TENM3: variants seen among roughly 807,000 people sequenced by gnomAD.
TENM3 encodes the protein teneurin-3.
A neutral mutation model predicts 255.1 loss-of-function variants in TENM3; 63 were observed. The observed-to-expected ratio is 0.25, with a 90% confidence interval of 0.20 to 0.30. The LOEUF (loss-of-function observed/expected upper bound fraction) is 0.30, where lower values mean the gene tolerates loss of function less well. TENM3 is among the 10% of genes least tolerant of loss of function. The probability of loss-of-function intolerance (pLI) is 1.00; values close to 1 mark genes in which losing one functional copy is unlikely to be tolerated. For synonymous variants in TENM3, 1,306 were observed against 1,322.3 expected (o/e 0.99, Z 0.27); for missense variants, 2,929 against 3,461.1 (o/e 0.85, Z 3.86).
the TENM3 span, among the ~76,000 whole-genome samples, chr4:181,653,700 CTT>C: frequency 6.4e-4 from 88 of 137,204 alleles, no homozygotes; most frequent in Middle Eastern, 3.9e-3. Flanking sequence ...ATAAGACCAG[CTT>C]TTTTTTTTTT....
the TENM3 span, among the ~76,000 whole-genome samples, chr4:182,112,478 A>C: frequency 6.6e-6 from 1 of 152,354 alleles, no homozygotes; most frequent in Non-Finnish European, 1.5e-5. Context: ...AGTTAACACT[A>C]GTTTATAAGA....
At chr4:181,957,427 A>T in the TENM3 span, among the ~76,000 whole-genome samples, 1 of 152,200 alleles carries the variant, frequency 6.6e-6, no homozygotes, top group South Asian at 2.1e-4. Flanking sequence ...TGAAACGTGC[A>T]ATCTATTTTC....
chr4:181,638,238 A>C, the TENM3 span, among the ~76,000 whole-genome samples: 1 of 152,248 alleles, frequency 6.6e-6, no homozygotes, highest in Non-Finnish European at 1.5e-5. Flanking sequence ...AGAGACACAC[A>C]GAAAATGTTG....
chr4:182,419,964 A>G (rs1770696026), intron 3 of TENM3, among the ~76,000 whole-genome samples: 1 of 152,116 alleles, frequency 6.6e-6, no homozygotes, highest in Non-Finnish European at 1.5e-5. Flanking sequence ...ACATGTATAC[A>G]TATGTAACAA....
At chr4:181,916,253 A>G in the TENM3 span, among the ~76,000 whole-genome samples, 43 of 152,292 alleles carry the variant, frequency 2.8e-4, no homozygotes, top group African/African-American at 1.0e-3. Context: ...TCTAGTTATA[A>G]CTTCAAGGCA....
At chr4:182,185,723 G>C (rs1753109982) in intron 1 of TENM3, among the ~76,000 whole-genome samples, 2 of 152,194 alleles carry the variant, frequency 1.3e-5, no homozygotes, top group Non-Finnish European at 2.9e-5. Context: ...GATGCCAGCT[G>C]ACTTTAAGGC....
the TENM3 span, among the ~76,000 whole-genome samples, chr4:181,551,840 G>A: frequency 0.15 from 140 of 926 alleles, no homozygotes; most frequent in African/African-American, 0.19. Context: ...ATATGTATAT[G>A]TGTGTGTGTG....
At chr4:181,818,304 G>T in the TENM3 span, among the ~76,000 whole-genome samples, 1 of 152,118 alleles carries the variant, frequency 6.6e-6, no homozygotes, top group East Asian at 1.9e-4. Flanking sequence ...TTGATAATCT[G>T]AGTGGGCCTG....
chr4:181,612,842 AC>A, the TENM3 span, among the ~76,000 whole-genome samples: 1 of 152,144 alleles, frequency 6.6e-6, no homozygotes, highest in Non-Finnish European at 1.5e-5. Context: ...GATGAGAAAA[AC>A]ATTACCTATT....
the TENM3 span, among the ~76,000 whole-genome samples, chr4:181,453,541 A>C: frequency 6.8e-6 from 1 of 147,756 alleles, no homozygotes; most frequent in African/African-American, 2.4e-5. Flanking sequence ...CTTAACGAAG[A>C]GTCATGTAAA....
chr4:181,921,215 G>A, the TENM3 span, among the ~76,000 whole-genome samples: 17 of 152,170 alleles, frequency 1.1e-4, no homozygotes, highest in East Asian at 1.9e-4. Context: ...TTGGCAGTGC[G>A]GCCTCTTTTT....
chr4:181,911,511 G>A, the TENM3 span, among the ~76,000 whole-genome samples: 1 of 152,188 alleles, frequency 6.6e-6, no homozygotes, highest in African/African-American at 2.4e-5. Context: ...TGTGTTTGAA[G>A]GCTATAAAAG....
the TENM3 span, among the ~76,000 whole-genome samples, chr4:181,820,603 A>G: frequency 6.6e-5 from 10 of 152,158 alleles, no homozygotes; most frequent in Admixed American, 3.3e-4. Flanking sequence ...TCACAAAAGC[A>G]TAGGTTAAAT....
intron 1 of TENM3, among the ~76,000 whole-genome samples, chr4:182,174,527 C>CACACACAA (rs146198406): frequency 0.013 from 1,982 of 149,894 alleles, 36 homozygotes; most frequent in African/African-American, 0.045. Context: ...CACACACACA[C>CACACACAA]ACACAAACAC....
intron 3 of TENM3, among the ~76,000 whole-genome samples, chr4:182,387,400 T>C (rs1219131685): frequency 6.6e-6 from 1 of 152,148 alleles, no homozygotes; most frequent in Non-Finnish European, 1.5e-5. Flanking sequence ...TGTATCTAGC[T>C]CAGGGATTGT....
At chr4:181,926,057 A>G in the TENM3 span, among the ~76,000 whole-genome samples, 1 of 152,206 alleles carries the variant, frequency 6.6e-6, no homozygotes, top group Admixed American at 6.5e-5. Context: ...AACTAAAGAA[A>G]GACACATGGT....
chr4:182,433,550 G>A (rs1298857741), intron 3 of TENM3, among the ~76,000 whole-genome samples: 1 of 152,206 alleles, frequency 6.6e-6, no homozygotes, highest in Non-Finnish European at 1.5e-5. Context: ...GTGATGTACA[G>A]AGGGCAGAAA....
At chr4:182,423,298 A>G (rs976216152) in intron 3 of TENM3, among the ~76,000 whole-genome samples, 1 of 152,216 alleles carries the variant, frequency 6.6e-6, no homozygotes, top group African/African-American at 2.4e-5. Context: ...AAAAGAAAAT[A>G]TTAGTCACTC....
At chr4:182,757,857 A>G (rs1762849376) in intron 22 of TENM3, among the ~76,000 whole-genome samples, 1 of 152,220 alleles carries the variant, frequency 6.6e-6, no homozygotes, top group Non-Finnish European at 1.5e-5. Flanking sequence ...TACTTATTAC[A>G]TGTCATATTT....
Sources: allele counts gnomAD v4.1 joint callset (sites outside exome capture counted in the v4.1 genomes callset), GRCh38; gene constraint gnomAD v4.1.1; transcripts MANE v1.5; gene names NCBI Gene and HGNC (gene_info 2026-07-23, HGNC 2026-07-21).